The following CACNA1H variants were observed in gnomAD, a reference collection of about 807,000 sequenced individuals.
CACNA1H encodes the protein calcium voltage-gated channel subunit alpha1 H, also known as voltage-dependent T-type calcium channel subunit alpha-1H.
A neutral mutation model predicts 192.5 loss-of-function variants in CACNA1H; 149 were observed. The ratio of observed to expected loss-of-function variants is 0.77; its 90% CI spans 0.68 to 0.89. The LOEUF is 0.89. Among genes scored for constraint, CACNA1H ranks in the 40% least tolerant of loss-of-function variants. CACNA1H has a pLI of 0.00. For missense variants in CACNA1H, 4,257 were observed against 3,423.5 expected, an observed-to-expected ratio of 1.24 and a Z score of -6.08; for synonymous variants, 2,202 against 1,475.2, an observed-to-expected ratio of 1.49 and a Z score of -11.29.
In CACNA1H at chr16:1,167,352, G is replaced by A. The variant is rs940119832; in HGVS notation, c.299+13316G>A. On this transcript the variant is annotated intron_variant, in intron 2 of 34. Transcript: ENST00000348261. This position sits in a 1 kb window ranked among gnomAD's most constrained non-coding sequence, Gnocchi z 4.2. Reference sequence around the variant, plus strand: ...TGCGGGGGCGATATCGGCGCGGAGCGGGCGGGGTGGCGCCCGGGCCGCGGG... The same window carrying A: ...TGCGGGGGCGATATCGGCGCGGAGCAGGCGGGGTGGCGCCCGGGCCGCGGG... Among the ~76,000 whole-genome samples the A allele has an allele frequency of 3.9e-5, 6 of 152,158 alleles. No homozygotes were observed. Among genetic ancestry groups the A allele is most frequent in the African/African-American group, 9.7e-5 (4 of 41,422 alleles).
Position 1,215,546 on chromosome 16 carries a change from A to G in CACNA1H, c.5197A>G (p.Thr1733Ala). The change falls in exon 30 of 35, where the codon ACG becomes GCG. Residue 1733 changes from threonine to alanine, a missense_variant. Transcript: ENST00000348261. ...ARVLKLLKMA[T>A]GMRALLDTVV... ...AGTGCTGAAGCTGCTGAAGATGGCT[A>G]CGGGCATGCGCGCCCTGCTGGACAC... 6.8e-6 allele frequency: 11 copies of G among 1,611,918 alleles called. No individual in the cohort carries two copies. The highest frequency in any genetic ancestry group is 1.3e-5 in the African/African-American group (1 of 75,040).
At chr16:1,172,318 C>T (rs1232702258) in intron 2 of CACNA1H, among the ~76,000 whole-genome samples, 3 of 152,150 alleles carry the variant, frequency 2.0e-5, no homozygotes, top group African/African-American at 4.8e-5. Context: ...GAAAGGAGCT[C>T]GGGGAGCCAG....
Position 1,200,514 on chromosome 16 carries a change from C to A in CACNA1H, c.1062C>A (p.Pro354=), listed in dbSNP as rs1487862602. Residue 354 remains proline (P), a synonymous_variant, in exon 7 of 35, where the codon CCC becomes CCA. Coordinates refer to ENST00000348261, the MANE Select transcript of CACNA1H (RefSeq NM_021098.3). ...TGTGCCGCTCGGGTGACTCCAACCC[C>A]CACAACGGTGCCATCAACTTCGACA... The part of the protein sequence containing the change: ...YNVCRSGDSN[P]HNGAINFDNI... 3 of 1,612,372 alleles carry A rather than the reference C, an allele frequency of 1.9e-6. No homozygotes were observed. Among genetic ancestry groups the A allele is most frequent in the Non-Finnish European group, 2.5e-6 (3 of 1,179,732 alleles).
At position 1,190,707 on chromosome 16, in the gene CACNA1H, G is replaced by T. The variant is rs115923361; in HGVS notation, c.300-4265G>T. 1.4e-4 allele frequency among the ~76,000 whole-genome samples: 21 copies of T among 152,390 alleles called. 1 individual carries two copies. The highest frequency in any genetic ancestry group is 4.1e-4 in the South Asian group (2 of 4,832). Reference sequence around the variant, plus strand: ...CCAGAGCTGCCCCACAGGCACAGGGGTGGGGTCCTTGCCATTGGAGGAGCT... The same window carrying T: ...CCAGAGCTGCCCCACAGGCACAGGGTTGGGGTCCTTGCCATTGGAGGAGCT... On this transcript the variant is annotated intron_variant, in intron 2 of 34. Coordinates refer to ENST00000348261, the MANE Select transcript of CACNA1H (RefSeq NM_021098.3).
intron 9 of CACNA1H, 76 bp downstream of exon 9, chr16:1,202,528 C>T (rs764458595): frequency 3.0e-5 from 39 of 1,283,778 alleles, no homozygotes; most frequent in Admixed American, 8.5e-5. Flanking sequence ...GTGTGTCATT[C>T]CCACACCCAT....
chr16:1,172,154 G>C (rs928402781), intron 2 of CACNA1H, among the ~76,000 whole-genome samples: 8 of 152,218 alleles, frequency 5.3e-5, no homozygotes, highest in African/African-American at 1.9e-4. Flanking sequence ...GGCCGCACAC[G>C]GTGGGTGTCA....
rs547938580 is a variant in CACNA1H at position 1,221,312 on chromosome 16, G to C, written c.*318G>C. Reference sequence around the variant, plus strand: ...ACGAAGACCGGGCACCCGCCAGAGAGGGGAAGGTACCAGGTTGCGTCCTTT... The same window carrying C: ...ACGAAGACCGGGCACCCGCCAGAGACGGGAAGGTACCAGGTTGCGTCCTTT... On this transcript the variant is annotated 3_prime_UTR_variant, in exon 35 of 35. Coordinates refer to ENST00000348261, the MANE Select transcript of CACNA1H (RefSeq NM_021098.3). The C allele has an allele frequency of 4.4e-4, 177 of 403,084 alleles. 1 individual carries two copies. In the East Asian group the frequency reaches 5.4e-3, roughly 12 times the overall value. The allele number at this position is 403,084 out of a possible 1,614,324, so 25.0% of individuals were successfully genotyped here. A position where few individuals can be genotyped will look rare whatever the true frequency, so the allele number is the denominator to read the frequency against.
chr16:1,200,275 C>A lies in CACNA1H; in HGVS notation c.823C>A (p.Leu275Met). 1 of 1,601,758 alleles carries A rather than the reference C, an allele frequency of 6.2e-7. No individual in the cohort carries two copies. Among genetic ancestry groups the A allele is most frequent in the Non-Finnish European group, 8.5e-7 (1 of 1,174,024 alleles). ...CCCCAGGAACAACAACCTGACCTTC[C>A]TGCGGCCGTACTACCAGACGGAGGA... ...AFVRNNNLTF[L>M]RPYYQTEEGE... is the part of the protein sequence containing the mutation. The change falls in exon 7 of 35, where the codon CTG (leucine) becomes ATG (methionine). Residue 275 changes from leucine to methionine, a missense_variant. Physicochemically the swap from Leu to Met is conservative, Grantham distance 15. Coordinates refer to ENST00000348261, the MANE Select transcript of CACNA1H (RefSeq NM_021098.3).
At chr16:1,177,494 G>A (rs1395230103) in intron 2 of CACNA1H, among the ~76,000 whole-genome samples, 1 of 152,178 alleles carries the variant, frequency 6.6e-6, no homozygotes, top group Non-Finnish European at 1.5e-5. Context: ...TAGGTTTGAG[G>A]GCTGAATTCT....
intron 23 of CACNA1H, 49 bp downstream of exon 23, chr16:1,211,655 A>T (rs766178951): frequency 6.2e-7 from 1 of 1,609,962 alleles, no homozygotes; most frequent in South Asian, 1.1e-5. Flanking sequence ...GACACCCTGG[A>T]GCGAGAGGGC....
intron 2 of CACNA1H, among the ~76,000 whole-genome samples, chr16:1,155,148 C>T (rs998346602): frequency 5.9e-5 from 9 of 152,244 alleles, no homozygotes; most frequent in African/African-American, 1.7e-4. Flanking sequence ...TCATAAAGCC[C>T]GTGTTTCTCC....
chr16:1,204,280 G>A lies in CACNA1H; in HGVS notation c.2273G>A (p.Ser758Asn). ...ATDTPGPGPG[S>N]PQRRAQQRAA... The stretch of plus-strand genomic sequence containing the variant: ...GACACACCAGGCCCAGGCCCAGGCA[G>A]CCCCCAGCGGCGGGCACAGCAGAGG... Residue 758 changes from serine (S) to asparagine (N), a missense_variant, in exon 10 of 35, where the codon AGC (serine) becomes AAC (asparagine). Ser to Asn is a conservative substitution (Grantham distance 46, BLOSUM62 1). Transcript: ENST00000348261. 6.2e-7 allele frequency: 1 copy of A among 1,607,536 alleles called. No individual in the cohort carries two copies.
At chr16:1,185,312 C>T (rs117497619) in intron 2 of CACNA1H, among the ~76,000 whole-genome samples, 24 of 152,314 alleles carry the variant, frequency 1.6e-4, no homozygotes, top group East Asian at 9.7e-4. Context: ...GCTGTGGACA[C>T]GTGTGGGCCC....
At position 1,207,820 on chromosome 16, in the gene CACNA1H, CGAG is replaced by C; in HGVS notation, c.3120_3122del (p.Glu1040del). The C allele has an allele frequency of 6.2e-7, 1 of 1,602,120 alleles. No homozygotes were observed. Among genetic ancestry groups the C allele is most frequent in the Non-Finnish European group, 8.5e-7 (1 of 1,174,650 alleles). On this transcript the variant is annotated inframe_deletion, in exon 15 of 35. Transcript: ENST00000348261. ...ACGAGGACAAGACGTCGGTCCACTTCGAGGAGGACTTCCACAAGCTCAGAGAAC... is the reference window on the plus strand; with the variant it reads ...ACGAGGACAAGACGTCGGTCCACTTCGAGGACTTCCACAAGCTCAGAGAAC...
At chr16:1,181,295 C>T (rs1965439205) in intron 2 of CACNA1H, among the ~76,000 whole-genome samples, 1 of 152,264 alleles carries the variant, frequency 6.6e-6, no homozygotes, top group Admixed American at 6.5e-5. Flanking sequence ...GCCGGCCCCT[C>T]CACCTCCCAC....
In CACNA1H at chr16:1,211,296, T is replaced by G; in HGVS notation, c.4350+2T>G. The G allele has an allele frequency of 3.1e-6, 5 of 1,612,820 alleles. No individual in the cohort carries two copies. Among genetic ancestry groups the G allele is most frequent in the Non-Finnish European group, 4.2e-6 (5 of 1,179,642 alleles). On this transcript the variant is annotated splice_donor_variant, in intron 22 of 34. Coordinates refer to ENST00000348261, the MANE Select transcript of CACNA1H (RefSeq NM_021098.3). LOFTEE classifies it high-confidence loss of function. The stretch of plus-strand genomic sequence containing the variant: ...ATTTTTGGCATTTTGGGTGTGCAGG[T>G]GTGTGGCCCCCACGTGCCCGGGGGT...
At chr16:1,197,279 C>T (rs1207931259) in intron 5 of CACNA1H, among the ~76,000 whole-genome samples, 2 of 152,220 alleles carry the variant, frequency 1.3e-5, no homozygotes, top group Admixed American at 6.5e-5. Flanking sequence ...GGTGGCTGAG[C>T]GTGCGGTGAG....
At position 1,220,436 on chromosome 16, in the gene CACNA1H, GA is replaced by G; in HGVS notation, c.6506del (p.Lys2169ArgfsTer19). The G allele has an allele frequency of 6.5e-7, 1 of 1,536,538 alleles. No individual in the cohort carries two copies. The highest frequency in any genetic ancestry group is 8.7e-7 in the Non-Finnish European group (1 of 1,150,390). On this transcript the variant is annotated frameshift_variant, in exon 35 of 35. Transcript: ENST00000348261. LOFTEE classifies it low-confidence loss of function (END_TRUNC). Reference protein sequence around the residue: ...ELGSGEPGEAKAWGPEAEPAL... With the variant: ...ELGSGEPGEAXAWGPEAEPAL... ...TGGGCAGCGGGGAGCCTGGGGAGGC[GA>G]AGGCCTGGGGCCCTGAGGCCGAGCC...
intron 2 of CACNA1H, among the ~76,000 whole-genome samples, chr16:1,194,502 C>T (rs1047391116): frequency 2.6e-5 from 4 of 152,298 alleles, no homozygotes; most frequent in South Asian, 4.1e-4. Flanking sequence ...GAGTCCTGTC[C>T]GGTGGGTTGC....
Sources: allele counts gnomAD v4.1 joint callset (sites outside exome capture counted in the v4.1 genomes callset), GRCh38; gene constraint gnomAD v4.1.1; non-coding constraint Gnocchi (gnomAD v3.1); transcripts MANE v1.5; gene names NCBI Gene and HGNC (gene_info 2026-07-23, HGNC 2026-07-21).